The following TRPV1 variants were observed in gnomAD, a reference collection of about 807,000 sequenced individuals.
TRPV1 encodes transient receptor potential cation channel subfamily V member 1, also known as OTRPC1.
In TRPV1, 82 loss-of-function variants were observed where a neutral mutation model predicts 82.3. That is an observed-to-expected ratio of 1.00 (90% CI 0.83 to 1.20). The LOEUF (loss-of-function observed/expected upper bound fraction) is 1.20, where lower values mean the gene tolerates loss of function less well. Ranked by LOEUF, TRPV1 falls within the 50% of genes most tolerant of loss-of-function variation. TRPV1 has a pLI of 0.00. For synonymous variants in TRPV1, 515 were observed against 467.7 expected, an observed-to-expected ratio of 1.10 and a Z score of -1.30; for missense variants, 1,067 against 1,096.8, an observed-to-expected ratio of 0.97 and a Z score of 0.38.
At chr17:3,597,524 C>T (rs2075230170) in intron 2 of TRPV1, among the ~76,000 whole-genome samples, 1 of 152,144 alleles carries the variant, frequency 6.6e-6, no homozygotes, top group East Asian at 1.9e-4. Context: ...GTCCCTAACT[C>T]TCTTAGGCCT....
At chr17:3,588,066 C>CT in intron 8 of TRPV1, 122 bp downstream of exon 8, 1 of 1,203,882 alleles carries the variant, frequency 8.3e-7, no homozygotes. Flanking sequence ...GCTGCAGGGC[C>CT]TGGGCCCGGG....
chr17:3,608,181 A>G (rs2150862977), intron 2 of TRPV1: 1 of 144,974 alleles, frequency 6.9e-6, no homozygotes, highest in East Asian at 2.1e-4. Flanking sequence ...ACTGTACTCC[A>G]GCCTGGGTGA....
intron 10 of TRPV1, among the ~76,000 whole-genome samples, chr17:3,582,689 G>A (rs1382707576): frequency 6.6e-6 from 1 of 152,066 alleles, no homozygotes; most frequent in Non-Finnish European, 1.5e-5. Context: ...CTGGTGTGGT[G>A]GCTCACGCCT....
chr17:3,598,312 T>C (rs957391949), intron 2 of TRPV1, among the ~76,000 whole-genome samples: 1 of 152,138 alleles, frequency 6.6e-6, no homozygotes, highest in Non-Finnish European at 1.5e-5. Context: ...GGCATTGAAG[T>C]GTGGCCACCC....
At chr17:3,601,248 C>A (rs1215175135) in intron 2 of TRPV1, among the ~76,000 whole-genome samples, 2 of 152,070 alleles carry the variant, frequency 1.3e-5, no homozygotes, top group African/African-American at 4.8e-5. Flanking sequence ...ACCTGAATGA[C>A]CAGAAGTGCC....
chr17:3,571,168 G>A (rs1012952574), intron 16 of TRPV1, among the ~76,000 whole-genome samples: 4 of 152,200 alleles, frequency 2.6e-5, no homozygotes, highest in Non-Finnish European at 5.9e-5. Flanking sequence ...GCATGCACAC[G>A]TGCAGAGTGA....
intron 2 of TRPV1, among the ~76,000 whole-genome samples, chr17:3,606,751 T>G (rs2075298387): frequency 6.6e-6 from 1 of 152,072 alleles, no homozygotes; most frequent in South Asian, 2.1e-4. Flanking sequence ...CCTCCAAGGC[T>G]CAGTCCTCAG....
At chr17:3,571,381 T>C (rs2074850479) in intron 16 of TRPV1, 143 bp downstream of exon 16, 3 of 629,666 alleles carry the variant, frequency 4.8e-6, no homozygotes, top group Non-Finnish European at 8.4e-6. Flanking sequence ...TATGTGCTCA[T>C]GGCCGACGTC....
At chr17:3,599,005 G>A (rs1242268114) in intron 2 of TRPV1, among the ~76,000 whole-genome samples, 5 of 150,850 alleles carry the variant, frequency 3.3e-5, no homozygotes, top group East Asian at 2.0e-4. Context: ...TTGGGAGGCC[G>A]AGGCAGGTGG....
At position 3,571,657 on chromosome 17, in the gene TRPV1, G is replaced by C; in HGVS notation, c.2232-18C>G. The C allele has an allele frequency of 6.3e-7, 1 of 1,580,014 alleles. No individual in the cohort carries two copies. Among genetic ancestry groups the C allele is most frequent in the Non-Finnish European group, 8.6e-7 (1 of 1,158,840 alleles). Reference sequence around the variant, plus strand: ...CGTCCACCCTGCAGGGTAAGGGGTCGGGAGAGCCTGAGAGCTGTGCCCAGC... The same window carrying C: ...CGTCCACCCTGCAGGGTAAGGGGTCCGGAGAGCCTGAGAGCTGTGCCCAGC... On this transcript the variant is annotated intron_variant, in intron 15 of 16. Transcript: ENST00000572705.
chr17:3,581,993 A>G (rs567871037), intron 10 of TRPV1, among the ~76,000 whole-genome samples: 16 of 145,920 alleles, frequency 1.1e-4, no homozygotes, highest in South Asian at 4.5e-4. Context: ...GATCGAGACC[A>G]TCCTGGCTAA....
chr17:3,576,668 A>AAAAAAAAAAT, intron 13 of TRPV1, among the ~76,000 whole-genome samples: 1 of 38,424 alleles, frequency 2.6e-5, no homozygotes, highest in African/African-American at 7.3e-5. Context: ...AAAAAAAAAA[A>AAAAAAAAAAT]ATATATATAT....
intron 2 of TRPV1, chr17:3,592,764 G>T (rs2075176095): frequency 5.9e-6 from 1 of 169,118 alleles, no homozygotes. Flanking sequence ...ACAGAACAAG[G>T]AAAACGGCCG....
In TRPV1 at chr17:3,573,793, A is replaced by AG. The variant is rs763656885; in HGVS notation, c.1942dup (p.Leu648ProfsTer5). The stretch of plus-strand genomic sequence containing the variant: ...GAAGTCATAGTTCTCAGTGAACTCC[A>AG]GGTCGCCCATGCCGATGGTGAACTT... On this transcript the variant is annotated frameshift_variant, in exon 14 of 17. Transcript: ENST00000572705. LOFTEE classifies it high-confidence loss of function. 91 of 1,613,798 alleles carry AG rather than the reference A, an allele frequency of 5.6e-5. No homozygotes were observed. The highest frequency in any genetic ancestry group is 6.9e-5 in the Non-Finnish European group (81 of 1,179,898).
intron 15 of TRPV1, among the ~76,000 whole-genome samples, chr17:3,571,840 A>G (rs1032070986): frequency 5.9e-5 from 9 of 152,124 alleles, no homozygotes; most frequent in Non-Finnish European, 1.3e-4. Context: ...GGGGGACTTC[A>G]CATATTGGAT....
Position 3,565,575 on chromosome 17 carries a change from T to C in TRPV1, c.*1240A>G, listed in dbSNP as rs2074749831. The C allele has an allele frequency of 6.6e-6, 1 of 152,250 alleles. No homozygotes were observed. Among genetic ancestry groups the C allele is most frequent in the African/African-American group, 2.4e-5 (1 of 41,456 alleles). 9.4% of individuals were successfully genotyped at this position (152,250 alleles called of 1,614,324 possible). ...TTCAAACATTCTTACCAGGTACCTT[T>C]GGGATGTGGTTCTGTAGTTTTAACC... On this transcript the variant is annotated 3_prime_UTR_variant, in exon 17 of 17. Coordinates refer to ENST00000572705, the MANE Select transcript of TRPV1 (RefSeq NM_080704.4).
At chr17:3,592,411 CTCCCAAAG>C (rs2075171772) in intron 2 of TRPV1, 28 bp from the exon 3 acceptor site, 1 of 1,515,734 alleles carries the variant, frequency 6.6e-7, no homozygotes, top group Non-Finnish European at 8.8e-7. Flanking sequence ...CCGGGGTTGA[CTCCCAAAG>C]TAAGGACTGC....
chr17:3,578,031 G>A (rs1320132250), intron 11 of TRPV1: 1 of 311,354 alleles, frequency 3.2e-6, no homozygotes. Flanking sequence ...AAGGCCAGGC[G>A]CAGTAGCTCA....
intron 2 of TRPV1, 49 bp from the exon 3 acceptor site, chr17:3,592,432 G>T: frequency 6.7e-7 from 1 of 1,481,594 alleles, no homozygotes; most frequent in South Asian, 1.3e-5. Flanking sequence ...AGGACTGCTT[G>T]TCCTTAGACC....
Sources: gnomAD v4.1 joint callset for allele counts (sites outside exome capture counted in the v4.1 genomes callset) on GRCh38, gnomAD v4.1.1 for gene constraint, MANE v1.5 for transcripts, NCBI Gene and HGNC (gene_info 2026-07-23, HGNC 2026-07-21) for gene names.